Variants in NLRP12 observed in about 807,000 individuals in gnomAD.
NLRP12 encodes NLR family pyrin domain containing 12, also known as NACHT, LRR and PYD domains-containing protein 12.
A neutral mutation model predicts 91.2 loss-of-function variants in NLRP12; 108 were observed. That is an observed-to-expected ratio of 1.18 (90% CI 1.01 to 1.39). The LOEUF (loss-of-function observed/expected upper bound fraction) is 1.39, where lower values mean the gene tolerates loss of function less well. Among genes scored for constraint, NLRP12 ranks in the 40% most tolerant of loss-of-function variants. The pLI is 0.00. For synonymous variants in NLRP12, 613 were observed against 566.7 expected (o/e 1.08, Z -1.16); for missense variants, 1,530 against 1,352.7 (o/e 1.13, Z -2.06).
intron 1 of NLRP12, among the ~76,000 whole-genome samples, chr19:53,823,489 A>AAC (rs1568703171): frequency 2.5e-5 from 2 of 78,804 alleles, no homozygotes; most frequent in African/African-American, 5.4e-5. Flanking sequence ...TATATTTTAA[A>AAC]ATATATTTAT....
chr19:53,802,388 C>T (rs1474212805), intron 6 of NLRP12, among the ~76,000 whole-genome samples: 1 of 151,782 alleles, frequency 6.6e-6, no homozygotes, highest in Non-Finnish European at 1.5e-5. Context: ...GCATCTCATA[C>T]CCATTAGGAT....
At chr19:53,800,207 A>C (rs2091844162) in intron 7 of NLRP12, among the ~76,000 whole-genome samples, 2 of 152,102 alleles carry the variant, frequency 1.3e-5, no homozygotes, top group Non-Finnish European at 2.9e-5. Context: ...CGGGAGGCTG[A>C]GGCAGGAGAA....
rs774905024 is a variant in NLRP12 at position 53,795,896 on chromosome 19, G to A, written c.3061C>T (p.Arg1021Trp). The A allele has an allele frequency of 8.1e-6, 13 of 1,614,030 alleles. No individual in the cohort carries two copies. Among genetic ancestry groups the A allele is most frequent in the East Asian group, 6.7e-5 (3 of 44,894 alleles). Residue 1021 changes from arginine to tryptophan, a missense_variant, in exon 9 of 10, where the codon CGG becomes TGG. By Grantham distance (101) the Arg-to-Trp change is moderately radical (BLOSUM62 -3). Transcript: ENST00000324134. ...GDTGVRLLCKRLSHPGCKLRV... is the reference protein window; with the variant it reads ...GDTGVRLLCKWLSHPGCKLRV... The stretch of plus-strand genomic sequence containing the variant: ...AGTTTGCAGCCAGGATGGCTCAGCC[G>A]CTTGCAAAGCAGTCGGACACCTGTG...
At chr19:53,811,789 T>C (rs993834394) in intron 2 of NLRP12, among the ~76,000 whole-genome samples, 1 of 151,828 alleles carries the variant, frequency 6.6e-6, no homozygotes, top group Non-Finnish European at 1.5e-5. Context: ...ATGGTCTCGA[T>C]CTCTTGACCT....
rs2122482951 is a variant in NLRP12 at position 53,794,155 on chromosome 19, ATAT to A, written c.3099-22_3099-20del. The A allele has an allele frequency of 3.3e-6, 5 of 1,523,738 alleles. No individual in the cohort carries two copies. The highest frequency in any genetic ancestry group is 3.3e-5 in the Admixed American group (2 of 59,888). The allele number at this position is 1,523,738 out of a possible 1,614,324, so 94.4% of individuals were successfully genotyped here. On this transcript the variant is annotated intron_variant, in intron 9 of 9. Transcript: ENST00000324134. ...AAATAACCTGTGGACACAAGAGTTG[ATAT>A]TATTCCAGTGTACTACTGTGGCATT...
chr19:53,822,550 G>A (rs1412689067), intron 1 of NLRP12, among the ~76,000 whole-genome samples: 1 of 151,892 alleles, frequency 6.6e-6, no homozygotes, highest in African/African-American at 2.4e-5. Context: ...GGCCAAGATA[G>A]TGAAACCCCG....
intron 4 of NLRP12, among the ~76,000 whole-genome samples, chr19:53,807,064 CTT>C (rs764957669): frequency 6.6e-6 from 1 of 151,366 alleles, no homozygotes; most frequent in African/African-American, 2.4e-5. Flanking sequence ...GCCACCCAGT[CTT>C]TGGCACTTTT....
At position 53,810,503 on chromosome 19, in the gene NLRP12, G is replaced by A. The variant is rs2092050929; in HGVS notation, c.1156C>T (p.Gln386Ter). The A allele has an allele frequency of 2.5e-6, 4 of 1,614,070 alleles. No individual in the cohort carries two copies. The highest frequency in any genetic ancestry group is 2.5e-6 in the Non-Finnish European group (3 of 1,180,004). Residue 386 changes from glutamine to a stop codon, truncating the protein, a stop_gained, in exon 3 of 10, where the codon CAA becomes TAA. Coordinates refer to ENST00000324134, the MANE Select transcript of NLRP12 (RefSeq NM_144687.4). LOFTEE classifies it high-confidence loss of function. ...TTGTCCCTCACGTAATTGAAGACTTGGCCCGCCTGCTCTGCATTGTGGAAA... is the reference window on the plus strand; with the variant it reads ...TTGTCCCTCACGTAATTGAAGACTTAGCCCGCCTGCTCTGCATTGTGGAAA... ...KYFHNAEQAG[Q>*]VFNYVRDNEP...
At chr19:53,795,745 C>A in intron 9 of NLRP12, 114 bp downstream of exon 9, 1 of 891,810 alleles carries the variant, frequency 1.1e-6, no homozygotes. Flanking sequence ...CATCTGTATG[C>A]CCCCTAATTG....
At chr19:53,795,708 G>A in intron 9 of NLRP12, 151 bp downstream of exon 9, 1 of 757,094 alleles carries the variant, frequency 1.3e-6, no homozygotes, top group Non-Finnish European at 2.3e-6. Flanking sequence ...CACACAGCCA[G>A]TAGATGACAT....
rs1173687513 is a variant in NLRP12 at position 53,795,130 on chromosome 19, G to C, written c.3098+729C>G. On this transcript the variant is annotated intron_variant, in intron 9 of 9. Transcript: ENST00000324134. ...TGCGTGTGTGTGTGTGTGTGTGTGT[G>C]TGTGTGTAAAGAAAGCAATTTTCCT... Among the ~76,000 whole-genome samples the C allele has an allele frequency of 5.0e-4, 71 of 142,556 alleles. 1 individual carries two copies. Among genetic ancestry groups the C allele is most frequent in the Non-Finnish European group, 3.1e-5 (2 of 65,112 alleles). The allele number at this position is 142,556 out of a possible 152,430, so 93.5% of individuals were successfully genotyped here.
At chr19:53,823,418 T>TAAAA (rs2092292063) in intron 1 of NLRP12, among the ~76,000 whole-genome samples, 2 of 49,386 alleles carry the variant, frequency 4.0e-5, no homozygotes, top group African/African-American at 1.2e-4. Flanking sequence ...AATATATGTT[T>TAAAA]TAAATATATA....
At position 53,801,252 on chromosome 19, in the gene NLRP12, G is replaced by A. The variant is rs1263040111; in HGVS notation, c.2731C>T (p.Pro911Ser). ...CGCAGGGTCTGGAGCTTGCACGTGG[G>A]ATGCCTGAGGCCCTCACACAGCAGC... The part of the protein sequence containing the change: ...VLLLCEGLRH[P>S]TCKLQTLRLG... Residue 911 changes from proline to serine, a missense_variant, in exon 7 of 10, where the codon CCC becomes TCC. Pro to Ser is a moderately conservative substitution (Grantham distance 74). Transcript: ENST00000324134. 1 of 1,613,886 alleles carries A rather than the reference G, an allele frequency of 6.2e-7. No individual in the cohort carries two copies. The highest frequency in any genetic ancestry group is 1.7e-5 in the Admixed American group (1 of 59,940).
In NLRP12 at chr19:53,804,125, T is replaced by G; in HGVS notation, c.2415-3A>C. On this transcript the variant is annotated splice_polypyrimidine_tract_variant and splice_region_variant and intron_variant, in intron 5 of 9. Coordinates refer to ENST00000324134, the MANE Select transcript of NLRP12 (RefSeq NM_144687.4). ...ACTCCAGCTGACACTTCCTCAACCT[T>G]GGGAGGAAGGAGAGGTTGAAGGGGA... 1.2e-6 allele frequency: 2 copies of G among 1,613,874 alleles called. No individual in the cohort carries two copies. The highest frequency in any genetic ancestry group is 2.2e-5 in the South Asian group (2 of 91,074).
At chr19:53,798,107 C>T in intron 8 of NLRP12, 136 bp downstream of exon 8, 1 of 1,035,222 alleles carries the variant, frequency 9.7e-7, no homozygotes, top group Non-Finnish European at 1.5e-6. Context: ...CCTGTCTTTT[C>T]TTTCCACCTC....
intron 1 of NLRP12, among the ~76,000 whole-genome samples, chr19:53,821,319 T>C (rs73056710): frequency 0.47 from 70,761 of 151,496 alleles, 17,554 homozygotes; most frequent in Non-Finnish European, 0.55. Flanking sequence ...ATTACAGGCG[T>C]GAGCCACCGC....
chr19:53,804,244 G>T, intron 5 of NLRP12, 122 bp from the exon 6 acceptor site: 3 of 1,084,652 alleles, frequency 2.8e-6, no homozygotes, highest in Non-Finnish European at 4.1e-6. Context: ...CCAGGGTGAA[G>T]TTCAGTGGAG....
chr19:53,805,623 T>C (rs771009472), intron 4 of NLRP12, 173 bp from the exon 5 acceptor site: 7 of 677,050 alleles, frequency 1.0e-5, no homozygotes, highest in Non-Finnish European at 1.8e-5. Context: ...GTTGAAGCAA[T>C]CCTCCTGCCT....
chr19:53,798,317 G>A lies in NLRP12; in HGVS notation c.2853C>T (p.Asn951=), dbSNP rs376516191. 1.9e-5 allele frequency: 31 copies of A among 1,614,048 alleles called. No individual in the cohort carries two copies. Among genetic ancestry groups the A allele is most frequent in the Admixed American group, 1.7e-4 (10 of 59,970 alleles). The change falls in exon 8 of 10, where the codon AAC becomes AAT. Residue 951 remains asparagine, a synonymous_variant. Transcript: ENST00000324134. ...HNLRELDLSF[N]DLGDWGLWLL... is the part of the protein sequence containing the mutation. ...ACCACAGGCCCCAGTCTCCCAGGTC[G>A]TTGAAACTCAAGTCCAGCTCCCGGA... is the stretch of plus-strand genomic sequence containing the variant.
Sources: gnomAD v4.1 joint callset for allele counts (sites outside exome capture counted in the v4.1 genomes callset) on GRCh38, gnomAD v4.1.1 for gene constraint, MANE v1.5 for transcripts, NCBI Gene and HGNC (gene_info 2026-07-23, HGNC 2026-07-21) for gene names.